Variants in TNFSF4 observed in about 807,000 individuals in gnomAD.
The protein encoded by TNFSF4 is tumor necrosis factor ligand superfamily member 4.
In TNFSF4, 4 loss-of-function variants were observed where a neutral mutation model predicts 7.3. The observed-to-expected ratio is 0.55, with a 90% confidence interval of 0.27 to 1.25. The LOEUF (loss-of-function observed/expected upper bound fraction) is 1.25, where lower values mean the gene tolerates loss of function less well. Among genes scored for constraint, TNFSF4 ranks in the 50% most tolerant of loss-of-function variants. The pLI, the probability that TNFSF4 is intolerant of heterozygous loss-of-function variation, is 0.12. For synonymous variants in TNFSF4, 76 were observed against 83.7 expected, an observed-to-expected ratio of 0.91 and a Z score of 0.50; for missense variants, 181 against 208.8, an observed-to-expected ratio of 0.87 and a Z score of 0.82.
chr1:173,353,994 T>C, the TNFSF4 span, among the ~76,000 whole-genome samples: 1 of 151,534 alleles, frequency 6.6e-6, no homozygotes, highest in African/African-American at 2.4e-5. Flanking sequence ...CAGGGCTGAA[T>C]TGAAGGAGGT....
chr1:173,446,637 G>T, the TNFSF4 span, among the ~76,000 whole-genome samples: 1 of 152,202 alleles, frequency 6.6e-6, no homozygotes, highest in African/African-American at 2.4e-5. Context: ...CTAATCAGCT[G>T]CCAGTACAGC....
chr1:173,309,344 A>AT, the TNFSF4 span, among the ~76,000 whole-genome samples: 1 of 151,842 alleles, frequency 6.6e-6, no homozygotes. Context: ...GATCTTTGCT[A>AT]TTTTTTTAAC....
intron 1 of TNFSF4, among the ~76,000 whole-genome samples, chr1:173,195,332 C>T (rs1649654304): frequency 6.6e-6 from 1 of 152,300 alleles, no homozygotes; most frequent in South Asian, 2.1e-4. Flanking sequence ...TGCAGGGTTG[C>T]CTATGTAGTT....
the TNFSF4 span, among the ~76,000 whole-genome samples, chr1:173,268,066 A>G: frequency 3.3e-5 from 5 of 152,166 alleles, no homozygotes; most frequent in Non-Finnish European, 7.4e-5. Flanking sequence ...TGACAAAGCT[A>G]TCTTTCAAGG....
At chr1:173,201,610 T>C (rs1286736341) in intron 1 of TNFSF4, among the ~76,000 whole-genome samples, 1 of 152,136 alleles carries the variant, frequency 6.6e-6, no homozygotes, top group Non-Finnish European at 1.5e-5. Flanking sequence ...TTCAAGAAAT[T>C]TACTTGGGGT....
chr1:173,392,223 T>C, the TNFSF4 span, among the ~76,000 whole-genome samples: 4 of 152,190 alleles, frequency 2.6e-5, no homozygotes, highest in Admixed American at 6.5e-5. Flanking sequence ...CAAGTGAGGG[T>C]TAATGCCTAT....
At chr1:173,177,612 C>T in the TNFSF4 span, among the ~76,000 whole-genome samples, 1 of 152,080 alleles carries the variant, frequency 6.6e-6, no homozygotes, top group East Asian at 1.9e-4. Flanking sequence ...ATAAAAAATG[C>T]AGATTCTATA....
the TNFSF4 span, among the ~76,000 whole-genome samples, chr1:173,431,252 G>A: frequency 6.6e-6 from 1 of 152,220 alleles, no homozygotes; most frequent in Non-Finnish European, 1.5e-5. Flanking sequence ...AAAATTTGTC[G>A]GTTTCCTTAA....
At chr1:173,295,419 G>A in the TNFSF4 span, among the ~76,000 whole-genome samples, 1 of 151,972 alleles carries the variant, frequency 6.6e-6, no homozygotes, top group African/African-American at 2.4e-5. Context: ...ATTAATCATT[G>A]TTCAAAGAAG....
At chr1:173,236,649 TA>T in the TNFSF4 span, among the ~76,000 whole-genome samples, 1 of 152,094 alleles carries the variant, frequency 6.6e-6, no homozygotes, top group Non-Finnish European at 1.5e-5. Flanking sequence ...GGCTATTATC[TA>T]GCCATAAAAC....
At chr1:173,193,372 G>C (rs1649564678) in intron 1 of TNFSF4, among the ~76,000 whole-genome samples, 1 of 152,134 alleles carries the variant, frequency 6.6e-6, no homozygotes, top group Non-Finnish European at 1.5e-5. Flanking sequence ...ATGCTCCTAA[G>C]TATCCATGCC....
At chr1:173,387,106 G>A in the TNFSF4 span, among the ~76,000 whole-genome samples, 1 of 152,210 alleles carries the variant, frequency 6.6e-6, no homozygotes, top group Admixed American at 6.5e-5. Context: ...GTGCTGGAAT[G>A]AGTTAAGATG....
the TNFSF4 span, among the ~76,000 whole-genome samples, chr1:173,276,043 A>G: frequency 6.6e-6 from 1 of 152,152 alleles, no homozygotes; most frequent in South Asian, 2.1e-4. Context: ...CTTTAGTTAA[A>G]TGAACTCTTT....
At chr1:173,339,275 A>G in the TNFSF4 span, among the ~76,000 whole-genome samples, 7 of 152,096 alleles carry the variant, frequency 4.6e-5, no homozygotes, top group African/African-American at 1.4e-4. Flanking sequence ...CCACCTAATC[A>G]GGAGGCTAAG....
downstream of TNFSF4, among the ~76,000 whole-genome samples, chr1:173,183,438 C>T (rs1164547783): frequency 2.0e-5 from 3 of 152,102 alleles, no homozygotes; most frequent in Non-Finnish European, 2.9e-5. Flanking sequence ...AAGAAATCAT[C>T]CAGGGTTAGA....
chr1:173,438,405 C>T, the TNFSF4 span, among the ~76,000 whole-genome samples: 1 of 152,040 alleles, frequency 6.6e-6, no homozygotes, highest in Non-Finnish European at 1.5e-5. Flanking sequence ...TGAATGGGTC[C>T]CCCTGAAAAT....
the TNFSF4 span, among the ~76,000 whole-genome samples, chr1:173,353,122 T>C: frequency 2.6e-5 from 4 of 152,166 alleles, no homozygotes; most frequent in Non-Finnish European, 4.4e-5. Context: ...TTATGAACAA[T>C]TTGTGCAGTC....
the TNFSF4 span, among the ~76,000 whole-genome samples, chr1:173,248,428 A>AAG: frequency 6.6e-6 from 1 of 150,824 alleles, no homozygotes; most frequent in Non-Finnish European, 1.5e-5. Context: ...GGAAAGAGGG[A>AAG]GAAAGAAAGA....
rs1316077231 is a variant in TNFSF4 at position 173,185,222 on chromosome 1, T to C, written c.*1294A>G. On this transcript the variant is annotated 3_prime_UTR_variant, in exon 3 of 3. Transcript: ENST00000281834. The stretch of plus-strand genomic sequence containing the variant: ...AAAATACATATCTCAAAAATTTATG[T>C]TTATAAAAGGTTTGGCACAGAGAAG... 3 of 152,196 alleles carry C rather than the reference T, an allele frequency of 2.0e-5. No individual in the cohort carries two copies. Among genetic ancestry groups the C allele is most frequent in the Non-Finnish European group, 4.4e-5 (3 of 68,032 alleles). The allele number at this position is 152,196 out of a possible 1,614,324, so 9.4% of individuals were successfully genotyped here.
Sources: allele counts gnomAD v4.1 joint callset (sites outside exome capture counted in the v4.1 genomes callset), GRCh38; gene constraint gnomAD v4.1.1; transcripts MANE v1.5; gene names NCBI Gene and HGNC (gene_info 2026-07-23, HGNC 2026-07-21).